CCR1: variants seen among roughly 807,000 people sequenced by gnomAD.
CCR1 encodes the protein C-C chemokine receptor type 1.
In CCR1, 1 loss-of-function variant was observed where a neutral mutation model predicts 0.3. That is an observed-to-expected ratio of 3.70 (90% confidence interval 1.31 to 17.54). CCR1 has a LOEUF of 17.54. Ranked by LOEUF, CCR1 falls within the 30% of genes most tolerant of loss-of-function variation. CCR1 has a pLI of 0.11. For missense variants in CCR1, 349 were observed against 435.4 expected (o/e 0.80, Z 1.77); for synonymous variants, 207 against 182.5 (o/e 1.13, Z -1.08).
At chr3:46,207,584 T>C (rs1348738788) in intron 1 of CCR1, among the ~76,000 whole-genome samples, 1 of 152,196 alleles carries the variant, frequency 6.6e-6, no homozygotes, top group African/African-American at 2.4e-5. Flanking sequence ...AATATTTCCC[T>C]CTTGCTATAA....
chr3:46,203,151 A>G lies in CCR1; in HGVS notation c.*95T>C, dbSNP rs1699612719. On this transcript the variant is annotated 3_prime_UTR_variant, in exon 2 of 2. Coordinates refer to ENST00000296140, the MANE Select transcript of CCR1 (RefSeq NM_001295.3). The surrounding 1 kb of genome is among the most constrained non-coding windows in gnomAD (Gnocchi z 4.5). ...AGTGGCTGTGACTCCATGCTGTGCC[A>G]AGAGTCAGAACCTGGCTGGGAGAGC... is the stretch of plus-strand genomic sequence containing the variant. 2.3e-6 allele frequency: 2 copies of G among 869,002 alleles called. No individual in the cohort carries two copies. The highest frequency in any genetic ancestry group is 5.0e-5 in the Admixed American group (2 of 40,314). The allele number at this position is 869,002 out of a possible 1,614,324, so 53.8% of individuals were successfully genotyped here.
chr3:46,204,836 G>T (rs1204153589), intron 1 of CCR1, among the ~76,000 whole-genome samples: 1 of 152,166 alleles, frequency 6.6e-6, no homozygotes, highest in Non-Finnish European at 1.5e-5. Flanking sequence ...ACCCAGCTGT[G>T]CATCATTCTC....
Position 46,203,247 on chromosome 3 carries a change from C to T in CCR1, c.1067G>A (p.Ter356=), listed in dbSNP as rs41413045. 1.9e-3 allele frequency: 3,104 copies of T among 1,610,120 alleles called. 55 individuals carry two copies. In the African/African-American group the frequency reaches 0.034, roughly 18 times the overall value. The change falls in exon 2 of 2, where the codon TGA becomes TAA. Residue 356 remains the stop codon, a stop_retained_variant. Transcript: ENST00000296140. This position sits in a 1 kb window ranked among gnomAD's most constrained non-coding sequence, Gnocchi z 4.5. ...TGEHELSAGF[*] Reference sequence around the variant, plus strand: ...TGGGTTGGCCTCCTATGGTCTGAGTCAGAACCCAGCAGAGAGTTCATGCTC... The same window carrying T: ...TGGGTTGGCCTCCTATGGTCTGAGTTAGAACCCAGCAGAGAGTTCATGCTC...
Position 46,203,902 on chromosome 3 carries a change from C to T in CCR1, c.412G>A (p.Ala138Thr), listed in dbSNP as rs747244913. 1 of 1,614,038 alleles carries T rather than the reference C, an allele frequency of 6.2e-7. No individual in the cohort carries two copies. Among genetic ancestry groups the T allele is most frequent in the Non-Finnish European group, 8.5e-7 (1 of 1,180,030 alleles). Residue 138 changes from alanine (A) to threonine (T), a missense_variant, in exon 2 of 2, where the codon GCC becomes ACC. Ala to Thr is a moderately conservative substitution (Grantham distance 58). Transcript: ENST00000296140. The surrounding 1 kb of genome is among the most constrained non-coding windows in gnomAD (Gnocchi z 4.5). ...TIDRYLAIVH[A>T]VFALRARTVT... ...GTCCGTGCCCGCAAGGCAAACACGG[C>T]GTGGACGATGGCCAGGTACCTGTCA...
At chr3:46,207,212 T>C (rs1699655878) in intron 1 of CCR1, among the ~76,000 whole-genome samples, 1 of 152,110 alleles carries the variant, frequency 6.6e-6, no homozygotes, top group African/African-American at 2.4e-5. Context: ...GTCCCACTGC[T>C]CGGTGCGGGA....
chr3:46,204,431 T>C (rs1280143064), intron 1 of CCR1, 107 bp from the exon 2 acceptor site: 5 of 697,368 alleles, frequency 7.2e-6, no homozygotes, highest in Non-Finnish European at 1.2e-5. Flanking sequence ...AGCCACTCCA[T>C]AAATGTTTAT....
At position 46,201,857 on chromosome 3, in the gene CCR1, ACTC is replaced by A; in HGVS notation, c.*1386_*1388del. ...CAAAAAACAAACTAAAAGAAAATAC[ACTC>A]AAAAGCACACAGTGGGCACATTTTG... is the stretch of plus-strand genomic sequence containing the variant. On this transcript the variant is annotated 3_prime_UTR_variant, in exon 2 of 2. Transcript: ENST00000296140. 1 of 152,198 alleles carries A rather than the reference ACTC, an allele frequency of 6.6e-6. No homozygotes were observed. The highest frequency in any genetic ancestry group is 1.5e-5 in the Non-Finnish European group (1 of 68,022). 9.4% of individuals were successfully genotyped at this position (152,198 alleles called of 1,614,324 possible).
At chr3:46,207,181 C>T (rs1049708062) in intron 1 of CCR1, among the ~76,000 whole-genome samples, 1 of 152,180 alleles carries the variant, frequency 6.6e-6, no homozygotes, top group Non-Finnish European at 1.5e-5. Context: ...CCAGGCCCCA[C>T]ATTCTGAACA....
chr3:46,206,799 A>C (rs1391214153), intron 1 of CCR1, among the ~76,000 whole-genome samples: 1 of 152,162 alleles, frequency 6.6e-6, no homozygotes. Context: ...GTTGTCATCT[A>C]ATCTGCCAGC....
chr3:46,204,367 A>G, intron 1 of CCR1, 43 bp from the exon 2 acceptor site: 1 of 1,304,930 alleles, frequency 7.7e-7, no homozygotes, highest in Non-Finnish European at 1.0e-6. Flanking sequence ...TTACTCTGCT[A>G]CTAAAGGCAG....
intron 1 of CCR1, among the ~76,000 whole-genome samples, chr3:46,204,816 T>C (rs1484316423): frequency 6.6e-6 from 1 of 152,174 alleles, no homozygotes; most frequent in Non-Finnish European, 1.5e-5. Flanking sequence ...AGAACAGACC[T>C]GGAGCTCCAA....
chr3:46,204,878 G>A (rs1440970698), intron 1 of CCR1, among the ~76,000 whole-genome samples: 1 of 152,200 alleles, frequency 6.6e-6, no homozygotes, highest in Non-Finnish European at 1.5e-5. Flanking sequence ...ACGCTTTCCT[G>A]CTGCTGTCCC....
Position 46,203,310 on chromosome 3 carries a change from C to T in CCR1, c.1004G>A (p.Arg335Lys), listed in dbSNP as rs758399084. The T allele has an allele frequency of 8.1e-6, 13 of 1,614,196 alleles. No homozygotes were observed. Among genetic ancestry groups the T allele is most frequent in the Non-Finnish European group, 1.1e-5 (13 of 1,180,012 alleles). Residue 335 changes from arginine to lysine, a missense_variant, in exon 2 of 2, where the codon AGG (arginine) becomes AAG (lysine). Transcript: ENST00000296140. This position sits in a 1 kb window ranked among gnomAD's most constrained non-coding sequence, Gnocchi z 4.5. ...VKWLPFLSVDRLERVSSTSPS... is the reference protein window; with the variant it reads ...VKWLPFLSVDKLERVSSTSPS... Reference sequence around the variant, plus strand: ...AGATGTGGAGCTGACCCTCTCCAGCCTGTCCACGGAGAGGAAGGGGAGCCA... The same window carrying T: ...AGATGTGGAGCTGACCCTCTCCAGCTTGTCCACGGAGAGGAAGGGGAGCCA...
chr3:46,203,163 C>T lies in CCR1; in HGVS notation c.*83G>A. On this transcript the variant is annotated 3_prime_UTR_variant, in exon 2 of 2. Transcript: ENST00000296140. The surrounding 1 kb of genome is among the most constrained non-coding windows in gnomAD (Gnocchi z 4.5). ...TCCATGCTGTGCCAAGAGTCAGAAC[C>T]TGGCTGGGAGAGCCAGGCTGCTGGC... is the stretch of plus-strand genomic sequence containing the variant. The T allele has an allele frequency of 9.9e-7, 1 of 1,006,752 alleles. No homozygotes were observed. The highest frequency in any genetic ancestry group is 1.5e-6 in the Non-Finnish European group (1 of 669,588). The allele number at this position is 1,006,752 out of a possible 1,614,324, so 62.4% of individuals were successfully genotyped here. A position where few individuals can be genotyped will look rare whatever the true frequency, so the allele number is the denominator to read the frequency against.
rs753777785 is a variant in CCR1, at chr3:46,204,142, C to T, written c.172G>A (p.Val58Ile). 3.7e-6 allele frequency: 6 copies of T among 1,614,054 alleles called. No homozygotes were observed. In the East Asian group the frequency reaches 1.3e-4, roughly 36 times the overall value. Reference protein sequence around the residue: ...GLVGNILVVLVLVQYKRLKNM... With the variant: ...GLVGNILVVLILVQYKRLKNM... The stretch of plus-strand genomic sequence containing the variant: ...TTTAGCCTCTTGTATTGCACAAGGA[C>T]CAGGACCACCAGGATGTTTCCAACC... The change falls in exon 2 of 2, where the codon GTC (valine) becomes ATC (isoleucine). Residue 58 changes from valine to isoleucine, a missense_variant. Val to Ile is a conservative substitution (Grantham distance 29). Coordinates refer to ENST00000296140, the MANE Select transcript of CCR1 (RefSeq NM_001295.3).
Position 46,206,647 on chromosome 3 carries a change from G to A in CCR1, c.-12+1635C>T, listed in dbSNP as rs567124804. ...ACATTGTCAGGTGGCATTTTAAACC[G>A]AGTCACCTCCATACACCCCCTACCT... On this transcript the variant is annotated intron_variant, in intron 1 of 1. Coordinates refer to ENST00000296140, the MANE Select transcript of CCR1 (RefSeq NM_001295.3). 3.9e-5 allele frequency among the ~76,000 whole-genome samples: 6 copies of A among 152,258 alleles called. No individual in the cohort carries two copies. In the South Asian group the frequency reaches 6.2e-4, roughly 16 times the overall value.
rs768591721 is a variant in CCR1 at position 46,203,603 on chromosome 3, A to G, written c.711T>C (p.Ala237=). Reference sequence around the variant, plus strand: ...TCATGATGACAAAAATCAAACGGACAGCTTTGGATTTCTTCTCATTTGGTC... The same window carrying G: ...TCATGATGACAAAAATCAAACGGACGGCTTTGGATTTCTTCTCATTTGGTC... ...LRRPNEKKSK[A]VRLIFVIMII... is the part of the protein sequence containing the mutation. The change falls in exon 2 of 2, where the codon GCT becomes GCC. Residue 237 remains alanine, a synonymous_variant. Coordinates refer to ENST00000296140, the MANE Select transcript of CCR1 (RefSeq NM_001295.3). The surrounding 1 kb of genome is among the most constrained non-coding windows in gnomAD (Gnocchi z 4.5). The G allele has an allele frequency of 3.1e-6, 5 of 1,614,104 alleles. No homozygotes were observed. Among genetic ancestry groups the G allele is most frequent in the South Asian group, 2.2e-5 (2 of 91,072 alleles).
In CCR1 at chr3:46,203,714, A is replaced by G. The variant is rs1352658151; in HGVS notation, c.600T>C (p.Ala200=). ...CCAGCCCAAAGAGGTTCAGTTTCAG[A>G]GCCTGAAACAGCTTCCACTCTCGTA... ...ESLREWKLFQ[A]LKLNLFGLVL... Residue 200 remains alanine, a synonymous_variant, in exon 2 of 2, where the codon GCT becomes GCC. Transcript: ENST00000296140. This position sits in a 1 kb window ranked among gnomAD's most constrained non-coding sequence, Gnocchi z 4.5. The G allele has an allele frequency of 5.0e-6, 8 of 1,613,918 alleles. No individual in the cohort carries two copies. The highest frequency in any genetic ancestry group is 4.2e-6 in the Non-Finnish European group (5 of 1,179,888).
At chr3:46,205,326 G>C (rs1027379865) in intron 1 of CCR1, among the ~76,000 whole-genome samples, 2 of 152,166 alleles carry the variant, frequency 1.3e-5, no homozygotes, top group Non-Finnish European at 2.9e-5. Context: ...AGGCAGAGAA[G>C]GGGGAGGTAA....
Sources: gnomAD v4.1 joint callset for allele counts (sites outside exome capture counted in the v4.1 genomes callset) on GRCh38, gnomAD v4.1.1 for gene constraint, Gnocchi (gnomAD v3.1) non-coding constraint, MANE v1.5 for transcripts, NCBI Gene and HGNC (gene_info 2026-07-23, HGNC 2026-07-21) for gene names.